SH3GL2: variants seen among roughly 807,000 people sequenced by gnomAD.
SH3GL2 encodes endophilin-A1.
SH3GL2 carries 24 observed loss-of-function variants against 46.0 expected under a neutral mutation model. The ratio of observed to expected loss-of-function variants is 0.52; its 90% CI spans 0.38 to 0.73. The LOEUF is 0.73. Ranked by LOEUF, SH3GL2 falls within the 30% of genes least tolerant of loss-of-function variation. The probability of loss-of-function intolerance (pLI) is 0.00; values close to 1 mark genes in which losing one functional copy is unlikely to be tolerated. For missense variants in SH3GL2, 413 were observed against 424.2 expected (o/e 0.97, Z 0.23); for synonymous variants, 196 against 147.1 (o/e 1.33, Z -2.40).
chr9:17,690,177 C>T (rs1262623075), intron 1 of SH3GL2, among the ~76,000 whole-genome samples: 1 of 152,074 alleles, frequency 6.6e-6, no homozygotes, highest in Non-Finnish European at 1.5e-5. Context: ...GTCTACACCC[C>T]CACAATATCT....
At chr9:17,596,615 G>T (rs952677597) in intron 1 of SH3GL2, among the ~76,000 whole-genome samples, 4 of 152,180 alleles carry the variant, frequency 2.6e-5, no homozygotes, top group African/African-American at 9.7e-5. Context: ...AGAGATACCT[G>T]AGAAGATAGG....
chr9:17,777,004 C>G (rs1306687942), intron 3 of SH3GL2, among the ~76,000 whole-genome samples: 4 of 152,158 alleles, frequency 2.6e-5, no homozygotes, highest in Non-Finnish European at 5.9e-5. Flanking sequence ...AGGGAGGAAG[C>G]AGATGCTCTG....
intron 3 of SH3GL2, among the ~76,000 whole-genome samples, chr9:17,768,010 G>A (rs1452252175): frequency 6.6e-6 from 1 of 152,158 alleles, no homozygotes; most frequent in Non-Finnish European, 1.5e-5. Context: ...GCTAGAACTG[G>A]TGGAATAATG....
chr9:17,794,390 G>A (rs1294616496), intron 8 of SH3GL2, among the ~76,000 whole-genome samples: 2 of 152,116 alleles, frequency 1.3e-5, no homozygotes, highest in African/African-American at 4.8e-5. Flanking sequence ...AAGAAAAAAA[G>A]CGAGGTCTGA....
intron 1 of SH3GL2, among the ~76,000 whole-genome samples, chr9:17,694,177 A>G (rs1216599981): frequency 1.3e-5 from 2 of 152,152 alleles, no homozygotes; most frequent in Non-Finnish European, 2.9e-5. Flanking sequence ...CTGGTAATTT[A>G]TGAAGAAAAG....
At chr9:17,591,228 G>GA (rs1818476375) in intron 1 of SH3GL2, 1 of 152,090 alleles carries the variant, frequency 6.6e-6, no homozygotes, top group African/African-American at 2.4e-5. Flanking sequence ...TTCCTAAATT[G>GA]ATGACTGTTA....
intron 1 of SH3GL2, chr9:17,630,428 C>T (rs928971937): frequency 6.6e-6 from 1 of 152,170 alleles, no homozygotes; most frequent in Non-Finnish European, 1.5e-5. Context: ...TCTGGTTGTA[C>T]ATAAGTGTTT....
chr9:17,727,303 A>C (rs920228822), intron 1 of SH3GL2, among the ~76,000 whole-genome samples: 1 of 152,220 alleles, frequency 6.6e-6, no homozygotes, highest in Non-Finnish European at 1.5e-5. Context: ...GGTGTCAACT[A>C]TGTAAAGTGT....
chr9:17,625,642 C>G (rs1303488452), intron 1 of SH3GL2, among the ~76,000 whole-genome samples: 2 of 152,186 alleles, frequency 1.3e-5, no homozygotes, highest in Admixed American at 6.5e-5. Context: ...GTGGCAGAAC[C>G]AGAACTTCAA....
chr9:17,615,736 A>AG (rs1818978962), intron 1 of SH3GL2, among the ~76,000 whole-genome samples: 1 of 151,982 alleles, frequency 6.6e-6, no homozygotes, highest in Admixed American at 6.5e-5. Flanking sequence ...GAAAGTTAAA[A>AG]AAAAAAACCC....
At chr9:17,595,890 AT>A (rs968171174) in intron 1 of SH3GL2, among the ~76,000 whole-genome samples, 3 of 152,122 alleles carry the variant, frequency 2.0e-5, no homozygotes, top group Non-Finnish European at 2.9e-5. Flanking sequence ...CAGTAAGATT[AT>A]TTTTTTAATG....
intron 1 of SH3GL2, among the ~76,000 whole-genome samples, chr9:17,652,137 A>G (rs1018975003): frequency 1.3e-5 from 2 of 151,968 alleles, no homozygotes; most frequent in Admixed American, 1.3e-4. Context: ...CCTTTGGTGG[A>G]TTTAGTTATC....
In SH3GL2 at chr9:17,790,398, C is replaced by A. The variant is rs1034626391; in HGVS notation, c.625-833C>A. 9.2e-6 allele frequency: 9 copies of A among 981,224 alleles called. No homozygotes were observed. The African/African-American group carries it at 1.6e-4, about 17-fold the overall frequency. The allele number at this position is 981,224 out of a possible 1,614,324, so 60.8% of individuals were successfully genotyped here. On this transcript the variant is annotated intron_variant, in intron 6 of 8. Coordinates refer to ENST00000380607, the MANE Select transcript of SH3GL2 (RefSeq NM_003026.5). The stretch of plus-strand genomic sequence containing the variant: ...AATTAACCATCACATTGCCTACTTG[C>A]CTTACTCCTGACTGTGGCAGGGGAA...
chr9:17,679,062 G>T (rs962735690), intron 1 of SH3GL2, among the ~76,000 whole-genome samples: 1 of 152,090 alleles, frequency 6.6e-6, no homozygotes, highest in Non-Finnish European at 1.5e-5. Flanking sequence ...AAGTCAGGTA[G>T]TGTGATGCCT....
intron 1 of SH3GL2, among the ~76,000 whole-genome samples, chr9:17,609,224 G>T (rs78555218): frequency 0.014 from 2,060 of 152,094 alleles, 40 homozygotes; most frequent in African/African-American, 0.047. Context: ...GTGATAGCTT[G>T]CCCAAGATCA....
intron 1 of SH3GL2, among the ~76,000 whole-genome samples, chr9:17,579,692 T>G (rs13294100): frequency 0.51 from 77,682 of 152,064 alleles, 22,335 homozygotes; most frequent in Middle Eastern, 0.69. Flanking sequence ...GCACCCGGCT[T>G]TCCCGGGATG....
intron 1 of SH3GL2, among the ~76,000 whole-genome samples, chr9:17,705,998 A>G (rs940437724): frequency 6.6e-6 from 1 of 152,092 alleles, no homozygotes; most frequent in African/African-American, 2.4e-5. Context: ...AAAATGTTTA[A>G]TAAAAAAAAT....
chr9:17,786,301 G>A (rs552192455), intron 3 of SH3GL2, 80 bp from the exon 4 acceptor site: 1 of 1,368,174 alleles, frequency 7.3e-7, no homozygotes, highest in South Asian at 1.4e-5. Context: ...AGGCTGCTCT[G>A]AGACCTGATC....
chr9:17,792,621 A>G (rs571988745), intron 7 of SH3GL2, among the ~76,000 whole-genome samples: 6 of 152,248 alleles, frequency 3.9e-5, no homozygotes, highest in African/African-American at 1.2e-4. Context: ...AGCACACAGT[A>G]TATTTCCTCC....
Sources: gnomAD v4.1 joint callset for allele counts (sites outside exome capture counted in the v4.1 genomes callset) on GRCh38, gnomAD v4.1.1 for gene constraint, MANE v1.5 for transcripts, NCBI Gene and HGNC (gene_info 2026-07-23, HGNC 2026-07-21) for gene names.